The following CRACR2B variants were observed in gnomAD, a reference collection of about 807,000 sequenced individuals.
CRACR2B encodes the protein EF-hand calcium-binding domain-containing protein 4A.
A neutral mutation model predicts 46.0 loss-of-function variants in CRACR2B; 50 were observed. The observed-to-expected ratio is 1.09, with a 90% CI of 0.87 to 1.38. CRACR2B has a LOEUF of 1.38. Among genes scored for constraint, CRACR2B ranks in the 40% most tolerant of loss-of-function variants. The probability of loss-of-function intolerance (pLI) is 0.00; values close to 1 mark genes in which losing one functional copy is unlikely to be tolerated. For missense variants in CRACR2B, 667 were observed against 535.0 expected (o/e 1.25, Z -2.43); for synonymous variants, 277 against 239.6 (o/e 1.16, Z -1.44).
rs1004971031 is a variant in CRACR2B, at chr11:830,976, G to A, written c.897G>A (p.Gln299=). The A allele has an allele frequency of 8.9e-5, 137 of 1,533,646 alleles. No individual in the cohort carries two copies. Among genetic ancestry groups the A allele is most frequent in the Non-Finnish European group, 1.1e-4 (124 of 1,146,656 alleles). ...EALRTQLEGA[Q]EQIRRLESEA... ...TGCGAACGCAGCTGGAGGGGGCGCA[G>A]GAGCAGATCCGCAGGCTGGAGAGCG... The change falls in exon 7 of 9, where the codon CAG becomes CAA. Residue 299 remains glutamine, a synonymous_variant. Coordinates refer to ENST00000525077, the MANE Select transcript of CRACR2B (RefSeq NM_001286606.2).
At chr11:829,813 G>A in intron 3 of CRACR2B, 173 bp from the exon 4 acceptor site, 1 of 1,302,190 alleles carries the variant, frequency 7.7e-7, no homozygotes, top group Non-Finnish European at 1.0e-6. Flanking sequence ...ACACCTCACC[G>A]ACCACGCACG....
At chr11:831,164 G>A (rs1454696621) in intron 7 of CRACR2B, 60 bp from the exon 8 acceptor site, 5 of 1,609,370 alleles carry the variant, frequency 3.1e-6, no homozygotes, top group Non-Finnish European at 3.4e-6. Flanking sequence ...GATCTTCTAG[G>A]GGGTCCGGGG....
Position 831,206 on chromosome 11 carries a change from ACCACCTC to A in CRACR2B, c.954-14_954-8del. 6.2e-7 allele frequency: 1 copy of A among 1,610,426 alleles called. No individual in the cohort carries two copies. Among genetic ancestry groups the A allele is most frequent in the Middle Eastern group, 1.7e-4 (1 of 6,032 alleles). ...CAAGGAGCCTTCCTGCAGCCGGGTC[ACCACCTC>A]CCATCCACAGAGACGTGGTCGCCGT... On this transcript the variant is annotated splice_polypyrimidine_tract_variant and intron_variant, in intron 7 of 8. Coordinates refer to ENST00000525077, the MANE Select transcript of CRACR2B (RefSeq NM_001286606.2).
In CRACR2B at chr11:830,239, G is replaced by A. The variant is rs868157052; in HGVS notation, c.606-11G>A. 9 of 1,502,874 alleles carry A rather than the reference G, an allele frequency of 6.0e-6. 2 individuals are homozygous for A. The Middle Eastern group carries it at 1.5e-3, about 244-fold the overall frequency. 93.1% of individuals were successfully genotyped at this position (1,502,874 alleles called of 1,614,324 possible). ...GCAAGTTCTCATCCGGGGTCGCCCG[G>A]TCCCCCGAAGGCGCGAGAGCGAGCA... On this transcript the variant is annotated splice_polypyrimidine_tract_variant and intron_variant, in intron 4 of 8. Transcript: ENST00000525077.
chr11:829,949 C>A, intron 3 of CRACR2B, 37 bp from the exon 4 acceptor site: 2 of 1,541,940 alleles, frequency 1.3e-6, no homozygotes, highest in Non-Finnish European at 1.7e-6. Flanking sequence ...CTTCCCGCTT[C>A]TGCCAGCTCC....
chr11:826,534 C>T (rs1265747369), upstream of CRACR2B, among the ~76,000 whole-genome samples: 4 of 152,236 alleles, frequency 2.6e-5, no homozygotes, highest in East Asian at 5.8e-4. Flanking sequence ...ATTACACGTT[C>T]ATTGTTTTGT....
rs776178868 is a variant in CRACR2B, at chr11:830,128, C to T, written c.601C>T (p.Arg201Trp). ...GCGCGACGGCCTGGAGCAGGCGCTGCGGAGGTGAGGGCCGGGGTGGGGTAT... is the reference window on the plus strand; with the variant it reads ...GCGCGACGGCCTGGAGCAGGCGCTGTGGAGGTGAGGGCCGGGGTGGGGTAT... ...RERDGLEQAL[R>W]RRESEHEREV... The change falls in exon 4 of 9, where the codon CGG becomes TGG. Residue 201 changes from arginine to tryptophan, a missense_variant. Coordinates refer to ENST00000525077, the MANE Select transcript of CRACR2B (RefSeq NM_001286606.2). 3 of 1,533,298 alleles carry T rather than the reference C, an allele frequency of 2.0e-6. No homozygotes were observed. In the South Asian group the frequency reaches 3.6e-5, roughly 18 times the overall value. 95.0% of individuals were successfully genotyped at this position (1,533,298 alleles called of 1,614,324 possible).
rs1307805550 is a variant in CRACR2B at position 830,256 on chromosome 11, G to A, written c.612G>A (p.Glu204=). 6.6e-7 allele frequency: 1 copy of A among 1,514,922 alleles called. No homozygotes were observed. Among genetic ancestry groups the A allele is most frequent in the Non-Finnish European group, 8.9e-7 (1 of 1,128,924 alleles). 93.8% of individuals were successfully genotyped at this position (1,514,922 alleles called of 1,614,324 possible). Residue 204 remains glutamate, a synonymous_variant, in exon 5 of 9, where the codon GAG becomes GAA. Transcript: ENST00000525077. ...GTCGCCCGGTCCCCCGAAGGCGCGA[G>A]AGCGAGCACGAGAGGGAGGTGCGCG... ...DGLEQALRRR[E]SEHEREVRAL...
rs770922466 is a variant in CRACR2B at position 828,618 on chromosome 11, C to G, written c.11C>G (p.Pro4Arg). The change falls in exon 1 of 9, where the codon CCT (proline) becomes CGT (arginine). Residue 4 changes from proline to arginine, a missense_variant. Pro to Arg is a moderately radical substitution (Grantham distance 103). Transcript: ENST00000525077. ...AGGCCCCCTGCTCTCATGGCCAGCC[C>G]TGGAAAGCCTGGGGCTGATGAGGCC... Reference protein sequence around the residue: MASPGKPGADEAQE... With the variant: MASRGKPGADEAQE... 1 of 1,595,052 alleles carries G rather than the reference C, an allele frequency of 6.3e-7. No individual in the cohort carries two copies.
chr11:827,003 C>A (rs1490286492), upstream of CRACR2B, among the ~76,000 whole-genome samples: 1 of 152,126 alleles, frequency 6.6e-6, no homozygotes. Context: ...TGTCTGCGCC[C>A]GCCCCCCGCA....
chr11:827,575 G>T, upstream of CRACR2B: 1 of 983,718 alleles, frequency 1.0e-6, no homozygotes, highest in Non-Finnish European at 1.2e-6. Flanking sequence ...TTCCGGCTGG[G>T]GTGGACCTCA....
chr11:831,469 G>C, intron 8 of CRACR2B, 66 bp from the exon 9 acceptor site: 1 of 1,509,614 alleles, frequency 6.6e-7, no homozygotes, highest in Non-Finnish European at 8.8e-7. Context: ...GAGGGGAGTC[G>C]GAGCTCACCT....
In CRACR2B at chr11:828,838, C is replaced by G. The variant is rs1354590816; in HGVS notation, c.166-14C>G. ...GACCGCAGCGGCTCATCTCTGCTCT[C>G]CTTCCCCGACCAGGGTCTCCAGAGC... On this transcript the variant is annotated splice_polypyrimidine_tract_variant and intron_variant, in intron 1 of 8. Transcript: ENST00000525077. 1.2e-6 allele frequency: 2 copies of G among 1,611,224 alleles called. No homozygotes were observed. Among genetic ancestry groups the G allele is most frequent in the Non-Finnish European group, 1.7e-6 (2 of 1,179,526 alleles).
At position 828,801 on chromosome 11, in the gene CRACR2B, C is replaced by T. The variant is rs558310500; in HGVS notation, c.165+29C>T. On this transcript the variant is annotated intron_variant, in intron 1 of 8. Transcript: ENST00000525077. ...AGTCCCCCACCCCAAGAGACTGCTT[C>T]GGCCCTGGGTTGACCGCAGCGGCTC... The T allele has an allele frequency of 4.1e-4, 658 of 1,612,384 alleles. 5 individuals are homozygous for T. The South Asian group carries it at 6.0e-3, about 15-fold the overall frequency.
Position 828,558 on chromosome 11 carries a change from C to CT in CRACR2B, c.-49dup. 6.5e-7 allele frequency: 1 copy of CT among 1,535,862 alleles called. No individual in the cohort carries two copies. Among genetic ancestry groups the CT allele is most frequent in the South Asian group, 1.2e-5 (1 of 81,210 alleles). ...CTCCCCTCCTGAATTTCTTCTGACC[C>CT]TCCCTTGGCTTCACAGCACCTGAAG... On this transcript the variant is annotated 5_prime_UTR_variant, in exon 1 of 9. Transcript: ENST00000525077.
intron 3 of CRACR2B, 27 bp downstream of exon 3, chr11:829,567 C>G: frequency 6.6e-6 from 10 of 1,525,334 alleles, no homozygotes; most frequent in Non-Finnish European, 8.8e-6. Context: ...CCCGCTCCCA[C>G]TGCCCGCTCT....
rs769873372 is a variant in CRACR2B at position 828,718 on chromosome 11, G to A, written c.111G>A (p.Leu37=). The A allele has an allele frequency of 2.2e-5, 36 of 1,613,504 alleles. No homozygotes were observed. Among genetic ancestry groups the A allele is most frequent in the Non-Finnish European group, 3.0e-5 (35 of 1,179,882 alleles). The change falls in exon 1 of 9, where the codon CTG becomes CTA. Residue 37 remains leucine, a synonymous_variant. Transcript: ENST00000525077. ...RAAILEQAEE[L]FLLCDKEAKG... is the part of the protein sequence containing the mutation. ...CAATACTGGAGCAGGCTGAGGAGCT[G>A]TTTCTGCTGTGTGACAAGGAGGCTA...
chr11:829,587 C>T (rs950695638), intron 3 of CRACR2B, 47 bp downstream of exon 3: 1 of 1,496,378 alleles, frequency 6.7e-7, no homozygotes, highest in African/African-American at 1.4e-5. Context: ...TGCTGTTTCT[C>T]TGCCTGCATG....
chr11:827,061 T>C (rs1041283945), upstream of CRACR2B, among the ~76,000 whole-genome samples: 2 of 152,108 alleles, frequency 1.3e-5, no homozygotes, highest in African/African-American at 4.8e-5. Context: ...GGCATATCGT[T>C]GCTTCACTGC....
Sources: gnomAD v4.1 joint callset for allele counts (sites outside exome capture counted in the v4.1 genomes callset) on GRCh38, gnomAD v4.1.1 for gene constraint, MANE v1.5 for transcripts, NCBI Gene and HGNC (gene_info 2026-07-23, HGNC 2026-07-21) for gene names.